The following TXNL4A variants were observed in gnomAD, a reference collection of about 807,000 sequenced individuals.
TXNL4A encodes thioredoxin-like protein 4A.
In TXNL4A, 17 loss-of-function variants were observed where a neutral mutation model predicts 14.6. The ratio of observed to expected loss-of-function variants is 1.16; its 90% CI spans 0.80 to 1.74. TXNL4A has a LOEUF of 1.74. Among genes scored for constraint, TXNL4A ranks in the 40% most tolerant of loss-of-function variants. The pLI, the probability that TXNL4A is intolerant of heterozygous loss-of-function variation, is 0.00. For synonymous variants in TXNL4A, 83 were observed against 70.6 expected (o/e 1.18, Z -0.88); for missense variants, 74 against 195.2 (o/e 0.38, Z 3.70).
At chr18:79,975,931 T>C (rs1599712234) in intron 2 of TXNL4A, among the ~76,000 whole-genome samples, 1 of 152,208 alleles carries the variant, frequency 6.6e-6, no homozygotes, top group South Asian at 2.1e-4. Flanking sequence ...GGGGCTGAAA[T>C]TCAGAAATGG....
intron 1 of TXNL4A, 141 bp downstream of exon 1, chr18:79,988,099 C>A (rs1467058599): frequency 4.7e-6 from 5 of 1,057,638 alleles, no homozygotes; most frequent in Non-Finnish European, 6.2e-6. Flanking sequence ...TCGACCGCAG[C>A]GAGGGGAGGA....
In TXNL4A at chr18:79,988,000, G is replaced by A. The variant is rs749039730; in HGVS notation, c.153+240C>T. On this transcript the variant is annotated intron_variant, in intron 1 of 2. Transcript: ENST00000269601. Reference sequence around the variant, plus strand: ...GAAATAATTAATTCATTTGAGAGGAGGGGGATCATAAACCCTTTAAAATAT... The same window carrying A: ...GAAATAATTAATTCATTTGAGAGGAAGGGGATCATAAACCCTTTAAAATAT... 1.4e-4 allele frequency among the ~76,000 whole-genome samples: 21 copies of A among 152,382 alleles called. No individual in the cohort carries two copies. In the East Asian group the frequency reaches 3.7e-3, roughly 27 times the overall value.
In TXNL4A at chr18:79,971,634, G is replaced by A. The variant is rs1354538351; in HGVS notation, c.*2051C>T. ...CTTGAGACACCTGCACCCGGCCCAT[G>A]TTTAACTTTTTGACGACCTGCCTGC... is the stretch of plus-strand genomic sequence containing the variant. On this transcript the variant is annotated 3_prime_UTR_variant, in exon 3 of 3. Transcript: ENST00000269601. 6.6e-6 allele frequency: 1 copy of A among 152,220 alleles called. No individual in the cohort carries two copies. Among genetic ancestry groups the A allele is most frequent in the African/African-American group, 2.4e-5 (1 of 41,462 alleles). 9.4% of individuals were successfully genotyped at this position (152,220 alleles called of 1,614,324 possible).
intron 2 of TXNL4A, among the ~76,000 whole-genome samples, chr18:79,974,315 T>C (rs1166185021): frequency 6.6e-6 from 1 of 152,240 alleles, no homozygotes; most frequent in Non-Finnish European, 1.5e-5. Flanking sequence ...AGCAATGACA[T>C]AAATTGTATT....
At chr18:80,020,060 T>G (rs1467836376) in intron 1 of TXNL4A, among the ~76,000 whole-genome samples, 6 of 152,088 alleles carry the variant, frequency 3.9e-5, no homozygotes, top group Non-Finnish European at 7.4e-5. Context: ...TGGGGGCGGG[T>G]CTTTCCTGCA....
rs2051485221 is a variant in TXNL4A, at chr18:79,982,882, A to G, written c.154-5181T>C. Among the ~76,000 whole-genome samples, 3 of 152,140 alleles carry G rather than the reference A, an allele frequency of 2.0e-5. No homozygotes were observed. Among genetic ancestry groups the G allele is most frequent in the Admixed American group, 2.0e-4 (3 of 15,276 alleles). ...GAGCTGAGGGCAAACATCAGCAAAC[A>G]TCCAGCAGCATCTGCTGGTGGCGAC... On this transcript the variant is annotated intron_variant, in intron 1 of 2. Transcript: ENST00000269601. This position sits in a 1 kb window ranked among gnomAD's most constrained non-coding sequence, Gnocchi z 4.0.
upstream of TXNL4A, among the ~76,000 whole-genome samples, chr18:79,991,208 A>G (rs990326636): frequency 6.6e-6 from 1 of 152,078 alleles, no homozygotes; most frequent in South Asian, 2.1e-4. Flanking sequence ...TGGAACCAAT[A>G]CCACAATCTA....
chr18:79,977,616 G>A lies in TXNL4A; in HGVS notation c.239C>T (p.Thr80Ile). The change falls in exon 2 of 3, where the codon ACT becomes ATT. Residue 80 changes from threonine (T) to isoleucine (I), a missense_variant. Thr to Ile is a moderately conservative substitution (Grantham distance 89). Around this residue, in one of 3 missense-constraint regions of TXNL4A, gnomAD observed 55 missense variants for 116.1 expected, o/e 0.47. Transcript: ENST00000269601. ...NKMYELYDPCTVMFFFRNKHI... is the reference protein window; with the variant it reads ...NKMYELYDPCIVMFFFRNKHI... The stretch of plus-strand genomic sequence containing the variant: ...AACGTACCTGAAGAAAAACATGACA[G>A]TACATGGATCGTATAACTCATACAT... 6.2e-7 allele frequency: 1 copy of A among 1,609,258 alleles called. No individual in the cohort carries two copies. Among genetic ancestry groups the A allele is most frequent in the Non-Finnish European group, 8.5e-7 (1 of 1,178,254 alleles).
At chr18:80,021,592 G>A (rs2051849504) in intron 1 of TXNL4A, among the ~76,000 whole-genome samples, 1 of 152,174 alleles carries the variant, frequency 6.6e-6, no homozygotes, top group African/African-American at 2.4e-5. Flanking sequence ...AGGTATTTGA[G>A]TTAGCAAAGT....
In TXNL4A at chr18:79,982,470, G is replaced by A. The variant is rs2051478672; in HGVS notation, c.154-4769C>T. ...TTACTGCCGCCACCTACATCCAGCA[G>A]TGATCCCAGCCAGGGTGGCAGGTGC... On this transcript the variant is annotated intron_variant, in intron 1 of 2. Transcript: ENST00000269601. This position sits in a 1 kb window ranked among gnomAD's most constrained non-coding sequence, Gnocchi z 4.0. 6.6e-6 allele frequency among the ~76,000 whole-genome samples: 1 copy of A among 152,188 alleles called. No individual in the cohort carries two copies. The highest frequency in any genetic ancestry group is 2.4e-5 in the African/African-American group (1 of 41,440).
At chr18:80,029,088 T>C (rs2051904136) in intron 1 of TXNL4A, among the ~76,000 whole-genome samples, 1 of 152,166 alleles carries the variant, frequency 6.6e-6, no homozygotes. Flanking sequence ...GAAATCTACC[T>C]GGAAACAGTC....
At chr18:80,022,229 C>T (rs540623950) in intron 1 of TXNL4A, among the ~76,000 whole-genome samples, 99 of 152,240 alleles carry the variant, frequency 6.5e-4, no homozygotes, top group African/African-American at 2.2e-3. Flanking sequence ...TCTTGAGGGG[C>T]ACTACCAGAG....
At chr18:80,016,192 C>T (rs1272721300) in intron 1 of TXNL4A, among the ~76,000 whole-genome samples, 4 of 151,728 alleles carry the variant, frequency 2.6e-5, no homozygotes, top group Admixed American at 2.6e-4. Context: ...ATCCTTTGCC[C>T]ACTTGTTGAT....
intron 2 of TXNL4A, among the ~76,000 whole-genome samples, chr18:79,976,185 C>A (rs1165304998): frequency 6.6e-6 from 1 of 152,190 alleles, no homozygotes; most frequent in Admixed American, 6.5e-5. Context: ...GGAGTTCAAG[C>A]TTGCTGTGAT....
intron 2 of TXNL4A, among the ~76,000 whole-genome samples, chr18:79,975,718 G>A (rs921780349): frequency 4.6e-5 from 7 of 152,200 alleles, no homozygotes; most frequent in African/African-American, 1.7e-4. Context: ...GGGGACCCCC[G>A]TTACAGAGTG....
intron 1 of TXNL4A, among the ~76,000 whole-genome samples, chr18:79,978,730 G>C (rs1464763815): frequency 6.6e-6 from 1 of 152,174 alleles, no homozygotes; most frequent in Non-Finnish European, 1.5e-5. Flanking sequence ...CTGGACTCAA[G>C]TGATACGCCT....
At chr18:79,977,794 G>A in intron 1 of TXNL4A, 93 bp from the exon 2 acceptor site, 1 of 875,728 alleles carries the variant, frequency 1.1e-6, no homozygotes, top group Non-Finnish European at 1.8e-6. Flanking sequence ...CCAAGAATTT[G>A]TGTGGATCAG....
rs1472738362 is a variant in TXNL4A at position 79,982,637 on chromosome 18, T to C, written c.154-4936A>G. Among the ~76,000 whole-genome samples the C allele has an allele frequency of 1.3e-5, 2 of 152,010 alleles. No homozygotes were observed. On this transcript the variant is annotated intron_variant, in intron 1 of 2. Coordinates refer to ENST00000269601, the MANE Select transcript of TXNL4A (RefSeq NM_006701.5). This position sits in a 1 kb window ranked among gnomAD's most constrained non-coding sequence, Gnocchi z 4.0. ...AGAGAGGTTACCAGAAAGGACGATA[T>C]GGGAACGGGGACACTGCAGGGGCTG...
intron 1 of TXNL4A, among the ~76,000 whole-genome samples, chr18:80,008,361 G>A (rs73483532): frequency 1.3e-5 from 2 of 152,184 alleles, no homozygotes; most frequent in African/African-American, 4.8e-5. Context: ...AGTGAGTCTG[G>A]GGAAGTGCCC....
Sources: allele counts gnomAD v4.1 joint callset (sites outside exome capture counted in the v4.1 genomes callset), GRCh38; gene constraint gnomAD v4.1.1; regional missense constraint gnomAD v4.1.1; non-coding constraint Gnocchi (gnomAD v3.1); transcripts MANE v1.5; gene names NCBI Gene and HGNC (gene_info 2026-07-23, HGNC 2026-07-21).